SUSD1: variants seen among roughly 807,000 people sequenced by gnomAD.
SUSD1 encodes the protein sushi domain containing 1.
SUSD1 carries 65 observed loss-of-function variants against 86.9 expected under a neutral mutation model. That is an observed-to-expected ratio of 0.75 (90% CI 0.61 to 0.92). The LOEUF is 0.92. Ranked by LOEUF, SUSD1 falls within the 40% of genes least tolerant of loss-of-function variation. SUSD1 has a pLI of 0.00. For missense variants in SUSD1, 850 were observed against 929.7 expected (o/e 0.91, Z 1.11); for synonymous variants, 346 against 350.0 (o/e 0.99, Z 0.13).
At chr9:112,157,819 TC>T (rs202185951) in intron 1 of SUSD1, among the ~76,000 whole-genome samples, 18 of 137,730 alleles carry the variant, frequency 1.3e-4, no homozygotes, top group African/African-American at 5.3e-4. Flanking sequence ...TGTCTTTCTT[TC>T]TTTCTTTTTT....
chr9:112,076,666 T>C (rs1489994082), intron 12 of SUSD1, among the ~76,000 whole-genome samples: 8 of 152,166 alleles, frequency 5.3e-5, no homozygotes, highest in African/African-American at 1.9e-4. Flanking sequence ...CCTCTGCATA[T>C]AGGTAATAGT....
At chr9:112,106,019 T>C (rs951576577) in intron 8 of SUSD1, among the ~76,000 whole-genome samples, 1 of 152,202 alleles carries the variant, frequency 6.6e-6, no homozygotes, top group African/African-American at 2.4e-5. Context: ...TGAGACAGTC[T>C]CGCTCTGTTG....
intron 6 of SUSD1, 53 bp from the exon 7 acceptor site, chr9:112,112,921 A>G (rs1437889678): frequency 1.8e-6 from 2 of 1,128,442 alleles, no homozygotes; most frequent in Non-Finnish European, 2.7e-6. Flanking sequence ...GGCTTTAGCA[A>G]AATTCTAAAG....
At chr9:112,116,087 C>G (rs982206680) in intron 6 of SUSD1, among the ~76,000 whole-genome samples, 1 of 152,180 alleles carries the variant, frequency 6.6e-6, no homozygotes, top group Non-Finnish European at 1.5e-5. Flanking sequence ...CAGCCCAGCC[C>G]TCATCTTCTC....
intron 15 of SUSD1, among the ~76,000 whole-genome samples, chr9:112,050,943 C>T (rs187125566): frequency 3.3e-5 from 5 of 152,308 alleles, no homozygotes; most frequent in Admixed American, 3.3e-4. Flanking sequence ...GAAATGTTCC[C>T]ACTGCATCTC....
rs909764747 is a variant in SUSD1 at position 112,149,284 on chromosome 9, G to T, written c.333C>A (p.Asn111Lys). 1.2e-6 allele frequency: 2 copies of T among 1,614,174 alleles called. No individual in the cohort carries two copies. Among genetic ancestry groups the T allele is most frequent in the Non-Finnish European group, 1.7e-6 (2 of 1,180,034 alleles). Residue 111 changes from asparagine to lysine, a missense_variant, in exon 3 of 17, where the codon AAC becomes AAA. By Grantham distance (94) the Asn-to-Lys change is moderately conservative. Coordinates refer to ENST00000374270, the MANE Select transcript of SUSD1 (RefSeq NM_022486.5). ...CATCGTTGGGAATGAATGTCTTGTT[G>T]TTGTTTGTGGCTCGATATCCTTCCA... ...ICLEGYRATN[N>K]NKTFIPNDGT...
chr9:112,170,855 G>A (rs769431511), intron 1 of SUSD1, among the ~76,000 whole-genome samples: 2 of 151,774 alleles, frequency 1.3e-5, no homozygotes, highest in African/African-American at 2.4e-5. Flanking sequence ...GATTACAAGC[G>A]CCCACCACCA....
chr9:112,146,361 C>G (rs1832809897), intron 3 of SUSD1, among the ~76,000 whole-genome samples: 1 of 152,102 alleles, frequency 6.6e-6, no homozygotes. Flanking sequence ...CTAAAAACCA[C>G]TGAGTTGTAT....
intron 15 of SUSD1, among the ~76,000 whole-genome samples, chr9:112,050,520 G>A (rs1828144060): frequency 6.6e-6 from 1 of 152,178 alleles, no homozygotes; most frequent in Non-Finnish European, 1.5e-5. Context: ...ATTAAAAAGT[G>A]CTATCCAGTG....
In SUSD1 at chr9:112,112,830, C is replaced by T; in HGVS notation, c.925G>A (p.Asp309Asn). Residue 309 changes from aspartate to asparagine, a missense_variant, in exon 7 of 17, where the codon GAT (aspartate) becomes AAT (asparagine). Asp to Asn is a conservative substitution (Grantham distance 23, BLOSUM62 1). Transcript: ENST00000374270. ...TKINDVSLFNDTCVRWQINSR... is the reference protein window; with the variant it reads ...TKINDVSLFNNTCVRWQINSR... ...TTTATTTGCCATCTCACACAGGTAT[C>T]ATTAAACAGTGATACATCATTAATC... 2 of 1,613,308 alleles carry T rather than the reference C, an allele frequency of 1.2e-6. No homozygotes were observed. Among genetic ancestry groups the T allele is most frequent in the South Asian group, 2.2e-5 (2 of 91,058 alleles).
At position 112,090,515 on chromosome 9, in the gene SUSD1, A is replaced by T. The variant is rs573583148; in HGVS notation, c.1474+7955T>A. Among the ~76,000 whole-genome samples the T allele has an allele frequency of 7.6e-4, 116 of 152,294 alleles. 1 individual carries two copies. The highest frequency in any genetic ancestry group is 1.5e-5 in the Non-Finnish European group (1 of 68,008). ...GAAACTTTACAAATTATTTTTATGA[A>T]GAAAGGAAAATACCAATGCTTAAAC... On this transcript the variant is annotated intron_variant, in intron 10 of 16. Transcript: ENST00000374270.
intron 15 of SUSD1, 72 bp from the exon 16 acceptor site, chr9:112,042,032 T>G (rs757631247): frequency 2.8e-5 from 44 of 1,580,638 alleles, no homozygotes; most frequent in Non-Finnish European, 3.4e-5. Flanking sequence ...CACACCCCAC[T>G]GTGCTCAATC....
chr9:112,152,531 T>C (rs1833099581), intron 2 of SUSD1, among the ~76,000 whole-genome samples: 1 of 148,112 alleles, frequency 6.8e-6, no homozygotes. Context: ...CCTCCCTGAG[T>C]AGCTAGGACC....
At chr9:112,064,056 G>T (rs1589598522) in intron 12 of SUSD1, among the ~76,000 whole-genome samples, 2 of 131,702 alleles carry the variant, frequency 1.5e-5, no homozygotes, top group Non-Finnish European at 3.3e-5. Flanking sequence ...TGGGGGGGGG[G>T]CGGGTGGGGG....
At chr9:112,100,990 A>G (rs1367788994) in intron 9 of SUSD1, among the ~76,000 whole-genome samples, 1 of 152,012 alleles carries the variant, frequency 6.6e-6, no homozygotes, top group Non-Finnish European at 1.5e-5. Flanking sequence ...TTGCCTATTT[A>G]CCTATATATT....
intron 10 of SUSD1, among the ~76,000 whole-genome samples, chr9:112,097,702 A>G (rs909985928): frequency 2.6e-5 from 4 of 152,000 alleles, no homozygotes; most frequent in African/African-American, 9.7e-5. Context: ...CCCGGCCCAG[A>G]GTCTTCTAAA....
chr9:112,053,513 C>CAAAAAAAAAA (rs56987871), intron 14 of SUSD1, among the ~76,000 whole-genome samples: 43 of 77,642 alleles, frequency 5.5e-4, no homozygotes, highest in African/African-American at 2.5e-3. Context: ...GACTTCGTCT[C>CAAAAAAAAAA]AAAAAAAAAA....
chr9:112,125,905 T>G (rs1831754137), intron 5 of SUSD1, among the ~76,000 whole-genome samples: 1 of 152,194 alleles, frequency 6.6e-6, no homozygotes, highest in African/African-American at 2.4e-5. Context: ...GAGGGAGGTT[T>G]CCCAGAGCAG....
chr9:112,165,913 G>GAAAGAAAAGAAAGAAAGAAAGAAA (rs1452059359), intron 1 of SUSD1, among the ~76,000 whole-genome samples: 7 of 67,290 alleles, frequency 1.0e-4, no homozygotes, highest in African/African-American at 5.3e-4. Flanking sequence ...AAGGAAGGAA[G>GAAAGAAAAGAAAGAAAGAAAGAAA]GAAGAAAGAA....
Sources: allele counts gnomAD v4.1 joint callset (sites outside exome capture counted in the v4.1 genomes callset), GRCh38; gene constraint gnomAD v4.1.1; transcripts MANE v1.5; gene names NCBI Gene and HGNC (gene_info 2026-07-23, HGNC 2026-07-21).